Variants in TRAPPC9 observed in about 807,000 individuals in gnomAD.
TRAPPC9 encodes trafficking protein particle complex subunit 9, also known as IKK2 binding protein.
Under a neutral mutation model 124.0 loss-of-function variants are expected in TRAPPC9, and 83 were observed. The ratio of observed to expected loss-of-function variants is 0.67; its 90% CI spans 0.56 to 0.80. The LOEUF is 0.80. Ranked by LOEUF, TRAPPC9 falls within the 30% of genes least tolerant of loss-of-function variation. The pLI is 0.00. For missense variants in TRAPPC9, 1,302 were observed against 1,508.3 expected (o/e 0.86, Z 2.27); for synonymous variants, 638 against 617.5 (o/e 1.03, Z -0.49).
At chr8:140,202,838 G>A (rs527841757) in intron 17 of TRAPPC9, among the ~76,000 whole-genome samples, 1 of 152,262 alleles carries the variant, frequency 6.6e-6, no homozygotes, top group Admixed American at 6.5e-5. Flanking sequence ...AAGTATTCTA[G>A]GCAAAAATGT....
At chr8:139,980,371 TG>T (rs1259399423) in intron 19 of TRAPPC9, among the ~76,000 whole-genome samples, 1 of 152,060 alleles carries the variant, frequency 6.6e-6, no homozygotes, top group East Asian at 1.9e-4. Context: ...TCCAGGCAAA[TG>T]GGGCCCCAAA....
chr8:140,304,262 T>C (rs1428754621), intron 10 of TRAPPC9, among the ~76,000 whole-genome samples: 2 of 152,058 alleles, frequency 1.3e-5, no homozygotes, highest in Admixed American at 1.3e-4. Flanking sequence ...GCCCGGCTAA[T>C]TTTTGTATTT....
At chr8:140,081,733 C>T (rs1053362997) in intron 17 of TRAPPC9, among the ~76,000 whole-genome samples, 3 of 152,138 alleles carry the variant, frequency 2.0e-5, no homozygotes, top group Non-Finnish European at 2.9e-5. Flanking sequence ...CATGTCAAGT[C>T]GCACGTTCTT....
chr8:140,436,998 C>T (rs755354382), intron 3 of TRAPPC9, among the ~76,000 whole-genome samples: 1 of 152,102 alleles, frequency 6.6e-6, no homozygotes, highest in Non-Finnish European at 1.5e-5. Context: ...CAAAGTCTCA[C>T]TCTTGCTCAG....
intron 1 of TRAPPC9, among the ~76,000 whole-genome samples, chr8:140,454,339 C>T (rs2071575629): frequency 6.6e-6 from 1 of 151,174 alleles, no homozygotes; most frequent in Non-Finnish European, 1.5e-5. Flanking sequence ...ATCGTCTCAT[C>T]TAAAAAGCAG....
intron 21 of TRAPPC9, among the ~76,000 whole-genome samples, chr8:139,759,597 C>T (rs553047099): frequency 7.9e-5 from 12 of 152,116 alleles, no homozygotes; most frequent in Admixed American, 2.6e-4. Context: ...ACGAGCCTGG[C>T]GATTTTTCAG....
chr8:140,386,942 C>T (rs2068770141), intron 7 of TRAPPC9, among the ~76,000 whole-genome samples: 1 of 152,212 alleles, frequency 6.6e-6, no homozygotes. Context: ...GTAACCAAAA[C>T]AGCATGGTAC....
At chr8:140,173,534 A>G (rs1421504649) in intron 17 of TRAPPC9, among the ~76,000 whole-genome samples, 2 of 144,804 alleles carry the variant, frequency 1.4e-5, no homozygotes, top group East Asian at 4.1e-4. Context: ...AGCCTGGGCG[A>G]CAGAGCAAGA....
intron 18 of TRAPPC9, among the ~76,000 whole-genome samples, chr8:140,000,336 A>T (rs1209171505): frequency 6.6e-6 from 1 of 152,248 alleles, no homozygotes; most frequent in African/African-American, 2.4e-5. Flanking sequence ...AGACTTCATG[A>T]CTAAAACACC....
At chr8:139,814,302 G>A (rs934686331) in intron 21 of TRAPPC9, among the ~76,000 whole-genome samples, 3 of 152,304 alleles carry the variant, frequency 2.0e-5, no homozygotes, top group Non-Finnish European at 2.9e-5. Flanking sequence ...GGCCTTCCCC[G>A]TGGAGACACG....
intron 17 of TRAPPC9, among the ~76,000 whole-genome samples, chr8:140,080,116 T>C (rs1843731964): frequency 6.6e-6 from 1 of 152,134 alleles, no homozygotes; most frequent in South Asian, 2.1e-4. Context: ...AGAAGAGATG[T>C]TGAATGATCC....
At chr8:140,014,288 G>C (rs1053766237) in intron 18 of TRAPPC9, among the ~76,000 whole-genome samples, 1 of 152,168 alleles carries the variant, frequency 6.6e-6, no homozygotes. Flanking sequence ...TCGGCACTCA[G>C]ACAGGGATGG....
intron 17 of TRAPPC9, among the ~76,000 whole-genome samples, chr8:140,187,843 T>A (rs2062386840): frequency 6.6e-6 from 1 of 152,062 alleles, no homozygotes; most frequent in Admixed American, 6.6e-5. Flanking sequence ...TCTGGCTAAT[T>A]TTTGTATTTT....
intron 21 of TRAPPC9, among the ~76,000 whole-genome samples, chr8:139,800,646 C>T (rs1217444345): frequency 6.6e-6 from 1 of 152,198 alleles, no homozygotes; most frequent in Non-Finnish European, 1.5e-5. Context: ...GACTCCAAGA[C>T]ATTCAGTCGC....
intron 20 of TRAPPC9, among the ~76,000 whole-genome samples, chr8:139,898,546 ACT>A (rs1419537378): frequency 1.3e-5 from 2 of 151,716 alleles, no homozygotes; most frequent in Non-Finnish European, 2.9e-5. Context: ...CTGAGCACCT[ACT>A]CTCTACCTGG....
intron 14 of TRAPPC9, among the ~76,000 whole-genome samples, chr8:140,276,293 A>G (rs2065116940): frequency 6.6e-6 from 1 of 152,232 alleles, no homozygotes; most frequent in Non-Finnish European, 1.5e-5. Context: ...GAGGCCAAAG[A>G]GGAAACAGAA....
intron 21 of TRAPPC9, among the ~76,000 whole-genome samples, chr8:139,869,584 G>A (rs1192917199): frequency 6.6e-6 from 1 of 152,178 alleles, no homozygotes; most frequent in Non-Finnish European, 1.5e-5. Context: ...TAATAAAGTA[G>A]AGCTAATTGA....
chr8:140,048,244 G>A (rs1161729937), intron 17 of TRAPPC9, among the ~76,000 whole-genome samples: 1 of 152,194 alleles, frequency 6.6e-6, no homozygotes, highest in Non-Finnish European at 1.5e-5. Context: ...TAAGGACAGT[G>A]CCTGGCATAT....
intron 17 of TRAPPC9, among the ~76,000 whole-genome samples, chr8:140,209,229 T>A (rs1230509271): frequency 6.6e-6 from 1 of 152,200 alleles, no homozygotes; most frequent in Admixed American, 6.5e-5. Flanking sequence ...CACGTGGTAT[T>A]TGTTTGCTGC....
Sources: gnomAD v4.1 joint callset for allele counts (sites outside exome capture counted in the v4.1 genomes callset) on GRCh38, gnomAD v4.1.1 for gene constraint, MANE v1.5 for transcripts, NCBI Gene and HGNC (gene_info 2026-07-23, HGNC 2026-07-21) for gene names.